DYNC2H1: variants seen among roughly 807,000 people sequenced by gnomAD.
DYNC2H1 encodes dynein cytoplasmic 2 heavy chain 1, also known as cytoplasmic dynein 2 heavy chain 1.
A neutral mutation model predicts 570.0 loss-of-function variants in DYNC2H1; 410 were observed. That is an observed-to-expected ratio of 0.72 (90% CI 0.66 to 0.78). The LOEUF (loss-of-function observed/expected upper bound fraction) is 0.78. DYNC2H1 is among the 30% of genes least tolerant of loss of function. DYNC2H1 has a pLI of 0.00. For missense variants in DYNC2H1, 4,865 were observed against 5,046.4 expected (o/e 0.96, Z 1.09); for synonymous variants, 1,688 against 1,677.6 (o/e 1.01, Z -0.15).
In DYNC2H1 at chr11:103,120,711, C is replaced by T. The variant is rs541038013; in HGVS notation, c.1157C>T (p.Ser386Phe). The change falls in exon 8 of 89, where the codon TCT (serine) becomes TTT (phenylalanine). Residue 386 changes from serine to phenylalanine, a missense_variant. Around this residue, in one of 5 missense-constraint regions of DYNC2H1, gnomAD observed 1,936 missense variants for 1,962.1 expected, o/e 0.99. Coordinates refer to ENST00000375735, the MANE Select transcript of DYNC2H1 (RefSeq NM_001377.3). The stretch of plus-strand genomic sequence containing the variant: ...TAGCCCTTGTGGAAAGCTGCGGTGT[C>T]TCAATATGAAAAGATTATTGCACCT... ...YTEPLWKAAV[S>F]QYEKIIAPAE... is the part of the protein sequence containing the mutation. The T allele has an allele frequency of 1.0e-4, 161 of 1,610,414 alleles. 1 individual carries two copies. The South Asian group carries it at 1.7e-3, about 17-fold the overall frequency.
Position 103,245,176 on chromosome 11 carries a change from G to GAAAATCA in DYNC2H1, c.9919-72_9919-66dup. On this transcript the variant is annotated intron_variant, in intron 64 of 88. Transcript: ENST00000375735. The surrounding 1 kb of genome is among the most constrained non-coding windows in gnomAD (Gnocchi z 4.5). The stretch of plus-strand genomic sequence containing the variant: ...TCTATAACATTTTGAAATTACTGTA[G>GAAAATCA]AAAATCAAAGAAAGGATGTTTGTAA... 8.0e-7 allele frequency: 1 copy of GAAAATCA among 1,254,124 alleles called. No individual in the cohort carries two copies. The highest frequency in any genetic ancestry group is 1.1e-6 in the Non-Finnish European group (1 of 921,892). 77.7% of individuals were successfully genotyped at this position (1,254,124 alleles called of 1,614,324 possible). A position where few individuals can be genotyped will look rare whatever the true frequency, so the allele number is the denominator to read the frequency against.
chr11:103,165,755 A>G, intron 30 of DYNC2H1, 143 bp from the exon 31 acceptor site: 1 of 601,212 alleles, frequency 1.7e-6, no homozygotes, highest in Non-Finnish European at 2.7e-6. Flanking sequence ...TACTCTATTA[A>G]TATTTAAGGT....
At chr11:103,232,273 T>C (rs1864043297) in intron 60 of DYNC2H1, among the ~76,000 whole-genome samples, 1 of 151,962 alleles carries the variant, frequency 6.6e-6, no homozygotes, top group African/African-American at 2.4e-5. Context: ...AAAACAATGA[T>C]GAGAAGTAAA....
At chr11:103,442,649 T>A (rs552923870) in intron 85 of DYNC2H1, among the ~76,000 whole-genome samples, 1 of 152,204 alleles carries the variant, frequency 6.6e-6, no homozygotes, top group African/African-American at 2.4e-5. Context: ...AGAAGATAAA[T>A]CTTGGTTCTA....
chr11:103,328,573 T>C (rs1938613410), intron 82 of DYNC2H1, among the ~76,000 whole-genome samples: 1 of 152,174 alleles, frequency 6.6e-6, no homozygotes, highest in Non-Finnish European at 1.5e-5. Context: ...TATTTGATGA[T>C]TTGGGCTTTT....
rs1944648344 is a variant in DYNC2H1 at position 103,452,618 on chromosome 11, G to C, written c.12457-2568G>C. Among the ~76,000 whole-genome samples the C allele has an allele frequency of 2.1e-5, 3 of 140,450 alleles. No individual in the cohort carries two copies. The South Asian group carries it at 7.0e-4, about 33-fold the overall frequency. The allele number at this position is 140,450 out of a possible 152,430, so 92.1% of individuals were successfully genotyped here. Reference sequence around the variant, plus strand: ...GCCTATGTAAAAATGATACCTGCTTGTATTACAATTTACTGATAAGTTACC... The same window carrying C: ...GCCTATGTAAAAATGATACCTGCTTCTATTACAATTTACTGATAAGTTACC... On this transcript the variant is annotated intron_variant, in intron 85 of 88. Coordinates refer to ENST00000375735, the MANE Select transcript of DYNC2H1 (RefSeq NM_001377.3).
chr11:103,313,992 A>G (rs1406225566), intron 79 of DYNC2H1, among the ~76,000 whole-genome samples: 1 of 152,158 alleles, frequency 6.6e-6, no homozygotes, highest in African/African-American at 2.4e-5. Flanking sequence ...CTAATATATC[A>G]ATTAATCCTG....
intron 45 of DYNC2H1, among the ~76,000 whole-genome samples, chr11:103,191,043 CTTT>C (rs10707667): frequency 2.1e-5 from 2 of 94,080 alleles, no homozygotes; most frequent in Non-Finnish European, 4.2e-5. Context: ...TTTTCTTTTT[CTTT>C]TTTTTTTTTT....
At chr11:103,297,151 T>C (rs1198879637) in intron 75 of DYNC2H1, among the ~76,000 whole-genome samples, 1 of 152,138 alleles carries the variant, frequency 6.6e-6, no homozygotes, top group Non-Finnish European at 1.5e-5. Context: ...GCTTGTATAT[T>C]TAATGCTTAT....
At chr11:103,155,621 A>G in intron 25 of DYNC2H1, 120 bp downstream of exon 25, 4 of 982,096 alleles carry the variant, frequency 4.1e-6, no homozygotes, top group Non-Finnish European at 5.7e-6. Flanking sequence ...TTCATCAAAA[A>G]GTAAACAAAC....
intron 18 of DYNC2H1, 140 bp from the exon 19 acceptor site, chr11:103,147,632 T>C: frequency 1.8e-6 from 1 of 564,908 alleles, no homozygotes; most frequent in East Asian, 3.2e-5. Context: ...AAATTAAATC[T>C]AAATGTGCTT....
chr11:103,339,021 C>T (rs1194974816), intron 82 of DYNC2H1, among the ~76,000 whole-genome samples: 1 of 152,160 alleles, frequency 6.6e-6, no homozygotes, highest in Non-Finnish European at 1.5e-5. Flanking sequence ...GTAGCTACTA[C>T]AGCCATTTTA....
intron 69 of DYNC2H1, among the ~76,000 whole-genome samples, chr11:103,258,399 C>G (rs657752): frequency 2.0e-5 from 3 of 152,082 alleles, no homozygotes; most frequent in African/African-American, 7.2e-5. Flanking sequence ...CGTATTAATC[C>G]GAAACTTGGC....
intron 87 of DYNC2H1, among the ~76,000 whole-genome samples, chr11:103,459,698 A>G (rs1472897996): frequency 6.6e-6 from 1 of 151,328 alleles, no homozygotes; most frequent in Admixed American, 6.6e-5. Flanking sequence ...CACGCCTGTA[A>G]TCCCAGCACT....
chr11:103,123,000 G>A lies in DYNC2H1; in HGVS notation c.1661G>A (p.Cys554Tyr). ...SGLSDSRSGL[C>Y]IEASSRIMEL... is the part of the protein sequence containing the mutation. ...TTATCTGATTCCAGATCTGGTTTGT[G>A]GTAAGTATAGATATATTAAACTGTA... is the stretch of plus-strand genomic sequence containing the variant. Residue 554 changes from cysteine (C) to tyrosine (Y), a missense_variant and splice_region_variant, in exon 11 of 89, where the codon TGT becomes TAT. Cys to Tyr is a radical substitution (Grantham distance 194). Coordinates refer to ENST00000375735, the MANE Select transcript of DYNC2H1 (RefSeq NM_001377.3). The A allele has an allele frequency of 2.0e-6, 3 of 1,500,978 alleles. No individual in the cohort carries two copies. The highest frequency in any genetic ancestry group is 1.8e-6 in the Non-Finnish European group (2 of 1,115,198). The allele number at this position is 1,500,978 out of a possible 1,614,324, so 93.0% of individuals were successfully genotyped here.
At chr11:103,150,283 G>C (rs1860470507) in intron 20 of DYNC2H1, among the ~76,000 whole-genome samples, 1 of 152,166 alleles carries the variant, frequency 6.6e-6, no homozygotes. Flanking sequence ...ATGCTCTGTG[G>C]AAAATGAATT....
intron 87 of DYNC2H1, among the ~76,000 whole-genome samples, chr11:103,460,465 G>A (rs1483220393): frequency 7.9e-6 from 1 of 126,966 alleles, no homozygotes; most frequent in Non-Finnish European, 1.6e-5. Flanking sequence ...TAATTGTTTT[G>A]TACATTGGGG....
At chr11:103,109,997 A>G (rs1400587172) in intron 1 of DYNC2H1, among the ~76,000 whole-genome samples, 1 of 152,144 alleles carries the variant, frequency 6.6e-6, no homozygotes, top group African/African-American at 2.4e-5. Flanking sequence ...TTTCCCTTCC[A>G]TACATCTGAA....
rs769596767 is a variant in DYNC2H1, at chr11:103,173,297, T to C, written c.5550T>C (p.Asn1850=). ...VLSRKLVAIF[N]LSRELLTPQQ... is the part of the protein sequence containing the mutation. Reference sequence around the variant, plus strand: ...GCAGAAAATTGGTAGCTATTTTCAATCTATCTAGGTGAGTTTTCTTGTTCT... The same window carrying C: ...GCAGAAAATTGGTAGCTATTTTCAACCTATCTAGGTGAGTTTTCTTGTTCT... The change falls in exon 35 of 89, where the codon AAT becomes AAC. Residue 1850 remains asparagine (N), a synonymous_variant. Coordinates refer to ENST00000375735, the MANE Select transcript of DYNC2H1 (RefSeq NM_001377.3). The C allele has an allele frequency of 6.4e-7, 1 of 1,570,774 alleles. No individual in the cohort carries two copies. The highest frequency in any genetic ancestry group is 8.6e-7 in the Non-Finnish European group (1 of 1,160,688).
Sources: allele counts gnomAD v4.1 joint callset (sites outside exome capture counted in the v4.1 genomes callset), GRCh38; gene constraint gnomAD v4.1.1; regional missense constraint gnomAD v4.1.1; non-coding constraint Gnocchi (gnomAD v3.1); transcripts MANE v1.5; gene names NCBI Gene and HGNC (gene_info 2026-07-23, HGNC 2026-07-21).